Variants in IMPA1 observed in about 807,000 individuals in gnomAD.
IMPA1 encodes the protein inositol monophosphatase 1.
In IMPA1, 21 loss-of-function variants were observed where a neutral mutation model predicts 34.9. The observed-to-expected ratio is 0.60, with a 90% CI of 0.43 to 0.87. IMPA1 has a LOEUF of 0.87. IMPA1 is among the 40% of genes least tolerant of loss of function. The pLI, the probability that IMPA1 is intolerant of heterozygous loss-of-function variation, is 0.00. For synonymous variants in IMPA1, 95 were observed against 104.4 expected, an observed-to-expected ratio of 0.91 and a Z score of 0.55; for missense variants, 299 against 336.4, an observed-to-expected ratio of 0.89 and a Z score of 0.87.
chr8:81,671,278 C>T (rs891128200), intron 6 of IMPA1, among the ~76,000 whole-genome samples: 1 of 152,018 alleles, frequency 6.6e-6, no homozygotes, highest in Non-Finnish European at 1.5e-5. Flanking sequence ...ACCAATTTGC[C>T]TGCATACATA....
chr8:81,684,201 C>T (rs1466933171), intron 1 of IMPA1, among the ~76,000 whole-genome samples: 1 of 145,416 alleles, frequency 6.9e-6, no homozygotes, highest in East Asian at 2.0e-4. Context: ...ACTTTATATA[C>T]TATATATTTA....
Position 81,659,429 on chromosome 8 carries a change from A to G in IMPA1, c.756T>C (p.Ala252=). 1 of 1,611,556 alleles carries G rather than the reference A, an allele frequency of 6.2e-7. No individual in the cohort carries two copies. The stretch of plus-strand genomic sequence containing the variant: ...TTTCTGCTAATATTCTATTATTTGC[A>G]GCAATTACTCTTCGTGACATCAAAT... ...PFDLMSRRVI[A]ANNRILAERI... Residue 252 remains alanine, a synonymous_variant, in exon 9 of 9, where the codon GCT becomes GCC. Transcript: ENST00000256108.
intron 3 of IMPA1, among the ~76,000 whole-genome samples, chr8:81,679,726 A>G (rs1036630430): frequency 2.0e-5 from 3 of 152,176 alleles, no homozygotes; most frequent in Non-Finnish European, 2.9e-5. Flanking sequence ...TTATTTCCCC[A>G]TGAATAAAGC....
At chr8:81,685,839 A>G in intron 1 of IMPA1, 3 of 1,550,926 alleles carry the variant, frequency 1.9e-6, no homozygotes, top group Non-Finnish European at 2.6e-6. Context: ...CCAGCGTAGG[A>G]GCCAGGCCAC....
chr8:81,674,590 G>A, intron 5 of IMPA1: 1 of 323,516 alleles, frequency 3.1e-6, no homozygotes, highest in Non-Finnish European at 6.1e-6. Context: ...CTACCTCCAT[G>A]CTCCCACCAT....
rs1806602923 is a variant in IMPA1, at chr8:81,659,493, AT to A, written c.719-28del. ...TAAAAGCAAACAAGTATGAAAAATA[AT>A]TTTATCTGGTACAAAAATAATTCAT... On this transcript the variant is annotated intron_variant, in intron 8 of 8. Coordinates refer to ENST00000256108, the MANE Select transcript of IMPA1 (RefSeq NM_005536.4). 2.5e-6 allele frequency: 3 copies of A among 1,224,102 alleles called. No homozygotes were observed. In the African/African-American group the frequency reaches 4.5e-5, roughly 18 times the overall value. The allele number at this position is 1,224,102 out of a possible 1,614,324, so 75.8% of individuals were successfully genotyped here. A position where few individuals can be genotyped will look rare whatever the true frequency, so the allele number is the denominator to read the frequency against.
intron 1 of IMPA1, chr8:81,685,936 G>C (rs1429810842): frequency 5.2e-6 from 8 of 1,530,294 alleles, no homozygotes; most frequent in Non-Finnish European, 5.3e-6. Context: ...GACTACCTGG[G>C]CCTGGGGATG....
intron 4 of IMPA1, among the ~76,000 whole-genome samples, chr8:81,677,803 T>C (rs1164309277): frequency 3.9e-5 from 6 of 152,170 alleles, no homozygotes; most frequent in African/African-American, 1.4e-4. Flanking sequence ...TTCTAAACCT[T>C]AGCTTTGTAG....
In IMPA1 at chr8:81,685,201, TTA is replaced by T. The variant is rs1807468401; in HGVS notation, c.-25+1049_-25+1050del. Among the ~76,000 whole-genome samples the T allele has an allele frequency of 9.7e-5, 13 of 134,324 alleles. No homozygotes were observed. In the South Asian group the frequency reaches 3.0e-3, roughly 31 times the overall value. 88.1% of individuals were successfully genotyped at this position (134,324 alleles called of 152,430 possible). A position where few individuals can be genotyped will look rare whatever the true frequency, so the allele number is the denominator to read the frequency against. ...CTATATATACTATACATAAGTATAT[TTA>T]GATACTATATATACTATACATAAGT... is the stretch of plus-strand genomic sequence containing the variant. On this transcript the variant is annotated intron_variant, in intron 1 of 8. Transcript: ENST00000256108.
chr8:81,677,323 G>A (rs1046770562), intron 4 of IMPA1, among the ~76,000 whole-genome samples: 2 of 152,210 alleles, frequency 1.3e-5, no homozygotes, highest in African/African-American at 2.4e-5. Flanking sequence ...TCGAACTCCC[G>A]ACCTCAGGTT....
In IMPA1 at chr8:81,683,628, A is replaced by G. The variant is rs114954970; in HGVS notation, c.-24-2044T>C. ...GATATAGGTAGGAGTTTGAGAGATC[A>G]GGAGTTTAATTAGCGGAAGATGAGA... On this transcript the variant is annotated intron_variant, in intron 1 of 8. Transcript: ENST00000256108. Among the ~76,000 whole-genome samples, 1,233 of 152,276 alleles carry G rather than the reference A, an allele frequency of 8.1e-3. 11 individuals are homozygous for G. The highest frequency in any genetic ancestry group is 0.028 in the African/African-American group (1,184 of 41,554).
At chr8:81,661,734 TA>T (rs944435041) in intron 7 of IMPA1, among the ~76,000 whole-genome samples, 2 of 152,238 alleles carry the variant, frequency 1.3e-5, no homozygotes, top group African/African-American at 4.8e-5. Flanking sequence ...GTATCCATGT[TA>T]ATTCCCTTAC....
intron 7 of IMPA1, among the ~76,000 whole-genome samples, chr8:81,663,683 C>T (rs1429305425): frequency 1.3e-5 from 2 of 152,150 alleles, no homozygotes; most frequent in African/African-American, 4.8e-5. Context: ...TTACATTCAC[C>T]AGATTTTGTT....
chr8:81,674,148 C>T (rs926110851), intron 5 of IMPA1, 199 bp from the exon 6 acceptor site: 1 of 486,744 alleles, frequency 2.1e-6, no homozygotes. Context: ...ACTCTCCTCC[C>T]ATCCAAGTCC....
chr8:81,674,053 A>G, intron 5 of IMPA1, 104 bp from the exon 6 acceptor site: 1 of 685,916 alleles, frequency 1.5e-6, no homozygotes, highest in Non-Finnish European at 2.6e-6. Flanking sequence ...GTAACAATGG[A>G]CTGAAATGGC....
chr8:81,672,090 G>C (rs985258906), intron 6 of IMPA1, among the ~76,000 whole-genome samples: 1 of 152,098 alleles, frequency 6.6e-6, no homozygotes, highest in Non-Finnish European at 1.5e-5. Context: ...TAATGAAAAG[G>C]AAATAGCCTA....
intron 1 of IMPA1, among the ~76,000 whole-genome samples, chr8:81,683,884 G>A (rs934352654): frequency 6.6e-6 from 1 of 152,116 alleles, no homozygotes; most frequent in Admixed American, 6.5e-5. Context: ...AACCCAGCAA[G>A]GACTGTCCAT....
chr8:81,677,974 G>A (rs535694909), intron 4 of IMPA1, among the ~76,000 whole-genome samples: 88 of 152,152 alleles, frequency 5.8e-4, no homozygotes, highest in African/African-American at 2.0e-3. Context: ...ACTCTGTGTC[G>A]GCACTATACT....
rs28820426 is a variant in IMPA1, at chr8:81,668,862, T to G, written c.566+2077A>C. 8.9e-3 allele frequency among the ~76,000 whole-genome samples: 1,349 copies of G among 152,206 alleles called. 21 individuals are homozygous for G. Among genetic ancestry groups the G allele is most frequent in the African/African-American group, 0.03 (1,257 of 41,518 alleles). The stretch of plus-strand genomic sequence containing the variant: ...CCCAAAGGAGGGTAGAATGGTTTCA[T>G]GGAACAGGCCTGGGATACTCTCCAA... On this transcript the variant is annotated intron_variant, in intron 7 of 8. Transcript: ENST00000256108.
Sources: allele counts gnomAD v4.1 joint callset (sites outside exome capture counted in the v4.1 genomes callset), GRCh38; gene constraint gnomAD v4.1.1; transcripts MANE v1.5; gene names NCBI Gene and HGNC (gene_info 2026-07-23, HGNC 2026-07-21).